The following ARID1B variants were observed in gnomAD, a reference collection of about 807,000 sequenced individuals.
The protein encoded by ARID1B is AT-rich interaction domain 1B.
Under a neutral mutation model 212.3 loss-of-function variants are expected in ARID1B, and 30 were observed. That is an observed-to-expected ratio of 0.14 (90% CI 0.11 to 0.19). The LOEUF is 0.19. Ranked by LOEUF, ARID1B falls within the 10% of genes least tolerant of loss-of-function variation. The probability of loss-of-function intolerance (pLI) is 1.00; values close to 1 mark genes in which losing one functional copy is unlikely to be tolerated. For synonymous variants in ARID1B, 1,402 were observed against 1,301.7 expected (o/e 1.08, Z -1.66); for missense variants, 2,891 against 3,204.0 (o/e 0.90, Z 2.36).
chr6:157,114,523 C>CAA (rs111845551), intron 6 of ARID1B, among the ~76,000 whole-genome samples: 3,954 of 50,426 alleles, frequency 0.078, 464 homozygotes, highest in Non-Finnish European at 0.098. Context: ...CACTCCGTCT[C>CAA]AAAAAAAAAA....
intron 5 of ARID1B, among the ~76,000 whole-genome samples, chr6:157,107,209 G>A (rs560657095): frequency 1.4e-3 from 209 of 152,214 alleles, no homozygotes; most frequent in Admixed American, 2.6e-3. Flanking sequence ...AAAATAGAAG[G>A]AAAGACTAAA....
chr6:157,131,662 C>T (rs1488512814), intron 6 of ARID1B, among the ~76,000 whole-genome samples: 2 of 152,036 alleles, frequency 1.3e-5, no homozygotes, highest in East Asian at 1.9e-4. Flanking sequence ...TTTATTCTAG[C>T]GCCAGTGGGA....
chr6:157,039,341 T>TTTTTTTTTTTTTTTTTTTTTTTTTTAG, intron 4 of ARID1B, among the ~76,000 whole-genome samples: 1 of 138,138 alleles, frequency 7.2e-6, no homozygotes, highest in Admixed American at 7.2e-5. Context: ...TTTTTTTTTT[T>TTTTTTTTTTTTTTTTTTTTTTTTTTAG]GAGACGGAGT....
In ARID1B at chr6:156,897,258, C is replaced by CTTATTATTATTATTATTATTA. The variant is rs1181438273; in HGVS notation, c.1987-4116_1987-4115insATTATTATTATTATTATTATT. On this transcript the variant is annotated intron_variant, in intron 2 of 19. Coordinates refer to ENST00000636930, the MANE Select transcript of ARID1B (RefSeq NM_001374828.1). ...TCTTCTTCTTCTTCTTCTTCTTCTT[C>CTTATTATTATTATTATTATTA]TTCTTCTTATTATTATTATTATTAT... Among the ~76,000 whole-genome samples, 230 of 87,038 alleles carry CTTATTATTATTATTATTATTA rather than the reference C, an allele frequency of 2.6e-3. 1 individual carries two copies. Among genetic ancestry groups the CTTATTATTATTATTATTATTA allele is most frequent in the Non-Finnish European group, 4.2e-3 (160 of 37,952 alleles). 57.1% of individuals were successfully genotyped at this position (87,038 alleles called of 152,430 possible). A position where few individuals can be genotyped will look rare whatever the true frequency, so the allele number is the denominator to read the frequency against.
intron 5 of ARID1B, among the ~76,000 whole-genome samples, chr6:157,096,053 T>A (rs577533818): frequency 6.6e-6 from 1 of 152,312 alleles, no homozygotes; most frequent in African/African-American, 2.4e-5. Context: ...ATGTGATTTA[T>A]CCTTTCTGCC....
At chr6:157,163,804 C>T (rs936746800) in intron 8 of ARID1B, among the ~76,000 whole-genome samples, 2 of 152,246 alleles carry the variant, frequency 1.3e-5, no homozygotes, top group Admixed American at 6.5e-5. Flanking sequence ...GATGGAAAGG[C>T]ATGGTGCAGC....
intron 4 of ARID1B, among the ~76,000 whole-genome samples, chr6:157,041,871 C>T (rs766056702): frequency 3.3e-5 from 5 of 152,202 alleles, no homozygotes; most frequent in African/African-American, 4.8e-5. Flanking sequence ...ACTCCTCTTA[C>T]TAAGGTCCCC....
intron 1 of ARID1B, among the ~76,000 whole-genome samples, chr6:156,828,137 T>G (rs951783860): frequency 6.7e-6 from 1 of 148,700 alleles, no homozygotes; most frequent in African/African-American, 2.5e-5. Flanking sequence ...TGATCATAGC[T>G]CACTGCAGCC....
At position 157,131,763 on chromosome 6, in the gene ARID1B, T is replaced by C. The variant is rs1190860123; in HGVS notation, c.2582-1265T>C. Among the ~76,000 whole-genome samples, 3 of 152,224 alleles carry C rather than the reference T, an allele frequency of 2.0e-5. No individual in the cohort carries two copies. The South Asian group carries it at 6.2e-4, about 32-fold the overall frequency. On this transcript the variant is annotated intron_variant, in intron 6 of 19. Transcript: ENST00000636930. ...TGGAGTGCAGGGGTGCCATCTCAGC[T>C]CACTGCAACCTCTGCCTTCTGAGTT...
At chr6:156,945,026 C>A (rs1186145948) in intron 4 of ARID1B, among the ~76,000 whole-genome samples, 6 of 150,508 alleles carry the variant, frequency 4.0e-5, no homozygotes, top group Non-Finnish European at 7.4e-5. Flanking sequence ...AGGTTCCTGC[C>A]ATTCTCCTGC....
At chr6:156,879,530 A>G (rs1390863558) in intron 2 of ARID1B, among the ~76,000 whole-genome samples, 1 of 152,250 alleles carries the variant, frequency 6.6e-6, no homozygotes, top group Non-Finnish European at 1.5e-5. Context: ...ATTGCTGTAG[A>G]AGCCAGATAG....
chr6:157,112,272 T>TA (rs1321122038), intron 6 of ARID1B, among the ~76,000 whole-genome samples: 1 of 152,270 alleles, frequency 6.6e-6, no homozygotes, highest in African/African-American at 2.4e-5. Flanking sequence ...TTGCTTGATC[T>TA]GTGTTAACTC....
At chr6:156,841,824 A>T (rs1783922535) in intron 2 of ARID1B, among the ~76,000 whole-genome samples, 1 of 152,162 alleles carries the variant, frequency 6.6e-6, no homozygotes, top group Admixed American at 6.5e-5. Context: ...GGGAGGGGTT[A>T]CTCAGGCTGT....
chr6:156,829,430 T>C lies in ARID1B; in HGVS notation c.1986+9T>C, dbSNP rs1362647322. 1 of 1,611,228 alleles carries C rather than the reference T, an allele frequency of 6.2e-7. No homozygotes were observed. The highest frequency in any genetic ancestry group is 8.5e-7 in the Non-Finnish European group (1 of 1,178,340). ...AGTACCCTCAGCAGCAGGTTTGTGCTGGTCCCCCGACCCGCTGCTTTTTTG... is the reference window on the plus strand; with the variant it reads ...AGTACCCTCAGCAGCAGGTTTGTGCCGGTCCCCCGACCCGCTGCTTTTTTG... On this transcript the variant is annotated intron_variant, in intron 2 of 19. Transcript: ENST00000636930.
intron 4 of ARID1B, among the ~76,000 whole-genome samples, chr6:156,983,177 A>G (rs923434469): frequency 1.3e-5 from 2 of 152,108 alleles, no homozygotes; most frequent in African/African-American, 4.8e-5. Context: ...TGGGTGGATC[A>G]TGAGGTCAGG....
intron 2 of ARID1B, among the ~76,000 whole-genome samples, chr6:156,831,103 A>C (rs1029139079): frequency 6.6e-6 from 1 of 152,236 alleles, no homozygotes; most frequent in African/African-American, 2.4e-5. Context: ...GTGAGAAGGA[A>C]ATAATTTGTA....
Position 157,206,718 on chromosome 6 carries a change from A to G in ARID1B, c.5946A>G (p.Gln1982=). ...PLSSAGRKKE[Q]EGKGDSEEQQ... ...GCTCCGCAGGTAGAAAGAAAGAGCA[A>G]GAAGGCAAAGGCGACTCTGAAGAGC... The change falls in exon 20 of 20, where the codon CAA becomes CAG. Residue 1982 remains glutamine (Q), a synonymous_variant. Transcript: ENST00000636930. The surrounding 1 kb of genome is among the most constrained non-coding windows in gnomAD (Gnocchi z 6.8). 6.2e-7 allele frequency: 1 copy of G among 1,612,978 alleles called. No individual in the cohort carries two copies. The highest frequency in any genetic ancestry group is 2.2e-5 in the East Asian group (1 of 44,882).
At chr6:157,039,729 T>TTCCC (rs1237692459) in intron 4 of ARID1B, among the ~76,000 whole-genome samples, 126 of 68,096 alleles carry the variant, frequency 1.9e-3, no homozygotes, top group Middle Eastern at 6.5e-3. Flanking sequence ...CTTTCTTTCT[T>TTCCC]TCCCTCCCTC....
chr6:156,796,721 T>C (rs1780406837), intron 1 of ARID1B, among the ~76,000 whole-genome samples: 1 of 152,344 alleles, frequency 6.6e-6, no homozygotes, highest in South Asian at 2.1e-4. Flanking sequence ...TTATCCTTTT[T>C]GCCATATTAC....
Sources: allele counts gnomAD v4.1 joint callset (sites outside exome capture counted in the v4.1 genomes callset), GRCh38; gene constraint gnomAD v4.1.1; non-coding constraint Gnocchi (gnomAD v3.1); transcripts MANE v1.5; gene names NCBI Gene and HGNC (gene_info 2026-07-23, HGNC 2026-07-21).